Variants in ALDOB observed in about 807,000 individuals in gnomAD.
ALDOB encodes aldolase, fructose-bisphosphate B, also known as fructose-bisphosphate aldolase B.
A neutral mutation model predicts 41.0 loss-of-function variants in ALDOB; 39 were observed. The ratio of observed to expected loss-of-function variants is 0.95; its 90% CI spans 0.74 to 1.24. ALDOB has a LOEUF of 1.24. Ranked by LOEUF, ALDOB falls within the 50% of genes most tolerant of loss-of-function variation. ALDOB has a pLI of 0.00. For missense variants in ALDOB, 530 were observed against 457.3 expected (o/e 1.16, Z -1.45); for synonymous variants, 175 against 168.8 (o/e 1.04, Z -0.28).
chr9:101,435,368 A>G (rs1326490306), intron 1 of ALDOB, among the ~76,000 whole-genome samples: 1 of 152,180 alleles, frequency 6.6e-6, no homozygotes, highest in Non-Finnish European at 1.5e-5. Context: ...ATGAACAGGA[A>G]TCTCAAAAAC....
intron 8 of ALDOB, among the ~76,000 whole-genome samples, chr9:101,423,114 A>C (rs927893541): frequency 3.3e-5 from 5 of 152,184 alleles, no homozygotes; most frequent in African/African-American, 1.2e-4. Flanking sequence ...TGCTTTCCAC[A>C]GTCAAGGTAA....
chr9:101,433,726 T>C (rs1369760921), intron 1 of ALDOB, among the ~76,000 whole-genome samples: 1 of 152,182 alleles, frequency 6.6e-6, no homozygotes, highest in East Asian at 1.9e-4. Flanking sequence ...CTCTGAAGAA[T>C]GGGGTAGGGT....
chr9:101,425,162 T>A, intron 7 of ALDOB, 120 bp from the exon 8 acceptor site: 1 of 1,202,636 alleles, frequency 8.3e-7, no homozygotes, highest in Non-Finnish European at 1.2e-6. Context: ...TAATTTGCCT[T>A]AAAGCAAACT....
At position 101,429,170 on chromosome 9, in the gene ALDOB, CT is replaced by C. The variant is rs757424158; in HGVS notation, c.324+584del. On this transcript the variant is annotated intron_variant, in intron 3 of 8. Transcript: ENST00000647789. The stretch of plus-strand genomic sequence containing the variant: ...TTTTTTTTTTAGACAGGATCTTACT[CT>C]TTTTTTTTTTGAGACAGGGTCATCC... Among the ~76,000 whole-genome samples the C allele has an allele frequency of 5.1e-3, 642 of 125,910 alleles. 1 individual carries two copies. The highest frequency in any genetic ancestry group is 0.017 in the African/African-American group (569 of 34,368). 82.6% of individuals were successfully genotyped at this position (125,910 alleles called of 152,430 possible).
intron 2 of ALDOB, among the ~76,000 whole-genome samples, chr9:101,430,318 T>A (rs1831198957): frequency 6.6e-6 from 1 of 152,120 alleles, no homozygotes; most frequent in South Asian, 2.1e-4. Context: ...ATTCTCAGGG[T>A]TCTGTGATTT....
intron 8 of ALDOB, among the ~76,000 whole-genome samples, chr9:101,424,292 G>A (rs1380224997): frequency 1.3e-5 from 2 of 152,072 alleles, no homozygotes; most frequent in African/African-American, 4.8e-5. Flanking sequence ...GGTGGCGCAT[G>A]CCTCTAGTCC....
In ALDOB at chr9:101,421,505, T is replaced by A; in HGVS notation, c.*304A>T. ...AATGAGGTGTTTCAATCAGCAGTTGTTCTTTGGATGAGGAGCCGATATTGT... is the reference window on the plus strand; with the variant it reads ...AATGAGGTGTTTCAATCAGCAGTTGATCTTTGGATGAGGAGCCGATATTGT... On this transcript the variant is annotated 3_prime_UTR_variant, in exon 9 of 9. Coordinates refer to ENST00000647789, the MANE Select transcript of ALDOB (RefSeq NM_000035.4). 2 of 429,036 alleles carry A rather than the reference T, an allele frequency of 4.7e-6. No homozygotes were observed. Among genetic ancestry groups the A allele is most frequent in the Admixed American group, 6.9e-5 (2 of 28,786 alleles). The allele number at this position is 429,036 out of a possible 1,614,324, so 26.6% of individuals were successfully genotyped here.
At chr9:101,429,219 C>G (rs927802882) in intron 3 of ALDOB, among the ~76,000 whole-genome samples, 1 of 148,712 alleles carries the variant, frequency 6.7e-6, no homozygotes, top group African/African-American at 2.5e-5. Context: ...AGTGGTATGA[C>G]CATAGCTCAC....
intron 1 of ALDOB, among the ~76,000 whole-genome samples, 178 bp from the exon 2 acceptor site, chr9:101,431,075 T>C (rs1027134712): frequency 8.5e-5 from 13 of 152,194 alleles, no homozygotes; most frequent in Non-Finnish European, 5.9e-5. Flanking sequence ...TAGTTGCAAT[T>C]AGCTGCAATG....
intron 1 of ALDOB, among the ~76,000 whole-genome samples, chr9:101,433,906 C>T (rs1486387948): frequency 2.0e-5 from 3 of 151,934 alleles, no homozygotes; most frequent in Non-Finnish European, 4.4e-5. Flanking sequence ...GCAGCTGAAA[C>T]TACAGGCGCC....
In ALDOB at chr9:101,424,945, A is replaced by G. The variant is rs1588170113; in HGVS notation, c.897T>C (p.Ser299=). Residue 299 remains serine (S), a synonymous_variant, in exon 8 of 9, where the codon AGT becomes AGC. Coordinates refer to ENST00000647789, the MANE Select transcript of ALDOB (RefSeq NM_000035.4). ...CCTGCAGGGCCCGTCCATAAGAGAA[A>G]CTTAGTTTCCAGGGCTTTGGTAGAG... ...LCPLPKPWKL[S]FSYGRALQAS... is the part of the protein sequence containing the mutation. 1 of 1,614,182 alleles carries G rather than the reference A, an allele frequency of 6.2e-7. No individual in the cohort carries two copies.
At chr9:101,435,527 T>G (rs1050628866) in intron 1 of ALDOB, among the ~76,000 whole-genome samples, 182 bp downstream of exon 1, 1 of 152,050 alleles carries the variant, frequency 6.6e-6, no homozygotes, top group African/African-American at 2.4e-5. Flanking sequence ...GAATGAGCAT[T>G]TATACTTAGA....
intron 5 of ALDOB, among the ~76,000 whole-genome samples, 178 bp downstream of exon 5, chr9:101,427,304 T>C (rs1450713578): frequency 2.0e-5 from 3 of 152,138 alleles, no homozygotes; most frequent in African/African-American, 4.8e-5. Context: ...TCCTACTGGC[T>C]TGTGGGACCA....
intron 4 of ALDOB, 92 bp from the exon 5 acceptor site, chr9:101,427,734 A>C (rs1469297460): frequency 1.6e-5 from 24 of 1,498,844 alleles, no homozygotes; most frequent in Non-Finnish European, 2.1e-5. Context: ...CCCTTTGCTT[A>C]GCTTTCAATC....
chr9:101,425,145 C>G, intron 7 of ALDOB, 103 bp from the exon 8 acceptor site: 1 of 1,365,666 alleles, frequency 7.3e-7, no homozygotes, highest in Non-Finnish European at 1.0e-6. Flanking sequence ...TCAGTCTTTT[C>G]TCTGCTTAAT....
At chr9:101,432,293 G>T (rs1831230647) in intron 1 of ALDOB, among the ~76,000 whole-genome samples, 1 of 152,090 alleles carries the variant, frequency 6.6e-6, no homozygotes, top group African/African-American at 2.4e-5. Flanking sequence ...CAAGCTAGTG[G>T]GCAACAATTT....
rs1198808677 is a variant in ALDOB, at chr9:101,420,880, T to G, written c.*929A>C. ...CAATACAGTATCATTATGTGAATAT[T>G]ATTTACTGCAAAACTACGAAATATG... On this transcript the variant is annotated 3_prime_UTR_variant, in exon 9 of 9. Coordinates refer to ENST00000647789, the MANE Select transcript of ALDOB (RefSeq NM_000035.4). 6.6e-6 allele frequency: 1 copy of G among 152,186 alleles called. No individual in the cohort carries two copies. Among genetic ancestry groups the G allele is most frequent in the Non-Finnish European group, 1.5e-5 (1 of 68,036 alleles). 9.4% of individuals were successfully genotyped at this position (152,186 alleles called of 1,614,324 possible).
chr9:101,426,514 A>G (rs1033150139), intron 6 of ALDOB, 41 bp downstream of exon 6: 2 of 1,336,898 alleles, frequency 1.5e-6, no homozygotes, highest in Non-Finnish European at 2.2e-6. Flanking sequence ...TAAAACTAAG[A>G]TTTTTCAACT....
intron 3 of ALDOB, among the ~76,000 whole-genome samples, chr9:101,429,144 T>C (rs1402899458): frequency 1.7e-4 from 26 of 150,876 alleles, no homozygotes; most frequent in Admixed American, 2.0e-4. Context: ...TCTTTCTTTT[T>C]TTTTTTTTTT....
Sources: allele counts gnomAD v4.1 joint callset (sites outside exome capture counted in the v4.1 genomes callset), GRCh38; gene constraint gnomAD v4.1.1; transcripts MANE v1.5; gene names NCBI Gene and HGNC (gene_info 2026-07-23, HGNC 2026-07-21).